Variants in LUZP2 observed in about 807,000 individuals in gnomAD.
The protein encoded by LUZP2 is leucine zipper protein 2.
LUZP2 carries 52 observed loss-of-function variants against 51.6 expected under a neutral mutation model. That is an observed-to-expected ratio of 1.01 (90% CI 0.81 to 1.27). The LOEUF is 1.27. Ranked by LOEUF, LUZP2 falls within the 50% of genes most tolerant of loss-of-function variation. The pLI, the probability that LUZP2 is intolerant of heterozygous loss-of-function variation, is 0.00. For missense variants in LUZP2, 436 were observed against 395.4 expected, an observed-to-expected ratio of 1.10 and a Z score of -0.87; for synonymous variants, 154 against 137.3, an observed-to-expected ratio of 1.12 and a Z score of -0.85.
At chr11:24,989,600 C>T (rs1328440199) in intron 9 of LUZP2, among the ~76,000 whole-genome samples, 1 of 152,056 alleles carries the variant, frequency 6.6e-6, no homozygotes, top group African/African-American at 2.4e-5. Context: ...AATATGGACT[C>T]TGTGAAAGCC....
chr11:24,784,890 A>G (rs1849197716), intron 5 of LUZP2, among the ~76,000 whole-genome samples: 1 of 152,090 alleles, frequency 6.6e-6, no homozygotes, highest in Admixed American at 6.6e-5. Flanking sequence ...TCTATGCCTA[A>G]TCACATGCTG....
At chr11:24,768,355 C>A (rs916333930) in intron 5 of LUZP2, among the ~76,000 whole-genome samples, 3 of 152,110 alleles carry the variant, frequency 2.0e-5, no homozygotes, top group Non-Finnish European at 4.4e-5. Flanking sequence ...GGTGATCCAC[C>A]CGCCTTGGCC....
At chr11:25,037,382 A>G (rs924501881) in intron 9 of LUZP2, among the ~76,000 whole-genome samples, 1 of 152,116 alleles carries the variant, frequency 6.6e-6, no homozygotes, top group Non-Finnish European at 1.5e-5. Flanking sequence ...AAGACAACAA[A>G]TGATTGGGTC....
chr11:24,914,096 A>T (rs192114678), intron 6 of LUZP2, among the ~76,000 whole-genome samples: 171 of 152,242 alleles, frequency 1.1e-3, no homozygotes, highest in African/African-American at 2.9e-3. Flanking sequence ...AATTTAATTT[A>T]AAAAAAGTAA....
At chr11:24,765,622 C>CTTTTTCTTTTTTTTTTT (rs1565125450) in intron 5 of LUZP2, among the ~76,000 whole-genome samples, 2 of 127,768 alleles carry the variant, frequency 1.6e-5, no homozygotes, top group African/African-American at 2.8e-5. Flanking sequence ...CCTTTTTTTT[C>CTTTTTCTTTTTTTTTTT]TTTTTTCTTT....
At chr11:24,908,961 C>T (rs1341694417) in intron 6 of LUZP2, among the ~76,000 whole-genome samples, 1 of 151,628 alleles carries the variant, frequency 6.6e-6, no homozygotes, top group African/African-American at 2.4e-5. Flanking sequence ...CAGGGTTTCA[C>T]TGTGTTAGCC....
intron 9 of LUZP2, among the ~76,000 whole-genome samples, chr11:25,037,704 C>T (rs1480101516): frequency 6.6e-6 from 1 of 152,032 alleles, no homozygotes; most frequent in Non-Finnish European, 1.5e-5. Context: ...TTTTATTTCT[C>T]CTTTACCTAT....
chr11:25,070,869 A>C (rs1029340915), intron 10 of LUZP2, among the ~76,000 whole-genome samples: 13 of 150,528 alleles, frequency 8.6e-5, no homozygotes, highest in Non-Finnish European at 1.5e-5. Flanking sequence ...AAACTTTCCT[A>C]TTGCCCTTCA....
At chr11:24,892,467 A>T (rs1165034032) in intron 5 of LUZP2, 1 of 843,012 alleles carries the variant, frequency 1.2e-6, no homozygotes, top group Non-Finnish European at 1.4e-6. Context: ...ATCCAGAAAA[A>T]GTTAAAATAT....
At chr11:24,928,419 T>A (rs1854342807) in intron 7 of LUZP2, among the ~76,000 whole-genome samples, 1 of 152,114 alleles carries the variant, frequency 6.6e-6, no homozygotes, top group Non-Finnish European at 1.5e-5. Context: ...CTGATTTTGC[T>A]TAGGGTTATA....
intron 7 of LUZP2, among the ~76,000 whole-genome samples, chr11:24,965,422 C>T (rs989752904): frequency 6.6e-6 from 1 of 151,366 alleles, no homozygotes; most frequent in Non-Finnish European, 1.5e-5. Flanking sequence ...TCTCTGTCTA[C>T]CAAGAAAGAA....
At chr11:24,662,459 T>C (rs187528344) in intron 1 of LUZP2, among the ~76,000 whole-genome samples, 123 of 152,224 alleles carry the variant, frequency 8.1e-4, no homozygotes, top group African/African-American at 2.9e-3. Context: ...ATGTCCAAAC[T>C]AATATCTCTC....
At chr11:24,832,938 G>A (rs187854581) in intron 5 of LUZP2, among the ~76,000 whole-genome samples, 48 of 152,200 alleles carry the variant, frequency 3.2e-4, no homozygotes, top group African/African-American at 1.1e-3. Flanking sequence ...AGAGGCCAGA[G>A]GTCTGGATTT....
intron 5 of LUZP2, among the ~76,000 whole-genome samples, chr11:24,861,562 G>A (rs555496943): frequency 3.9e-5 from 6 of 152,038 alleles, no homozygotes; most frequent in Admixed American, 6.5e-5. Context: ...TGCCGGGTCC[G>A]TCCCACACAC....
intron 1 of LUZP2, among the ~76,000 whole-genome samples, chr11:24,544,103 G>T (rs1471770495): frequency 6.6e-6 from 1 of 151,788 alleles, no homozygotes; most frequent in African/African-American, 2.4e-5. Context: ...TCCAACTTCC[G>T]GTGCTGAGGG....
At chr11:24,972,491 A>T (rs1409284842) in intron 7 of LUZP2, among the ~76,000 whole-genome samples, 2 of 152,104 alleles carry the variant, frequency 1.3e-5, no homozygotes, top group Non-Finnish European at 2.9e-5. Flanking sequence ...AGGGGTAAAA[A>T]CTAGTACTCC....
intron 1 of LUZP2, among the ~76,000 whole-genome samples, chr11:24,565,375 G>A (rs1368307532): frequency 1.3e-5 from 2 of 152,086 alleles, no homozygotes; most frequent in African/African-American, 4.8e-5. Flanking sequence ...GTGCAAATGA[G>A]AAAATTCTAC....
rs573267207 is a variant in LUZP2, at chr11:24,735,969, G to A, written c.252-2252G>A. Among the ~76,000 whole-genome samples the A allele has an allele frequency of 1.4e-4, 22 of 152,090 alleles. 1 individual carries two copies. The South Asian group carries it at 4.3e-3, about 30-fold the overall frequency. Reference sequence around the variant, plus strand: ...GCTAAAGCACTAGAGCAGTGAGCATGTGAAGACATAAGCCTAGAAAGAAGG... The same window carrying A: ...GCTAAAGCACTAGAGCAGTGAGCATATGAAGACATAAGCCTAGAAAGAAGG... On this transcript the variant is annotated intron_variant, in intron 3 of 11. Transcript: ENST00000336930.
chr11:24,963,943 A>G (rs1179012249), intron 7 of LUZP2, among the ~76,000 whole-genome samples: 2 of 152,154 alleles, frequency 1.3e-5, no homozygotes, highest in African/African-American at 4.8e-5. Context: ...TAAATTGACT[A>G]TTGTAGATAT....
Sources: gnomAD v4.1 joint callset for allele counts (sites outside exome capture counted in the v4.1 genomes callset) on GRCh38, gnomAD v4.1.1 for gene constraint, MANE v1.5 for transcripts, NCBI Gene and HGNC (gene_info 2026-07-23, HGNC 2026-07-21) for gene names.